MITD1: variants seen among roughly 807,000 people sequenced by gnomAD.
MITD1 encodes the protein microtubule interacting and trafficking domain containing 1.
In MITD1, 24 loss-of-function variants were observed where a neutral mutation model predicts 34.9. The ratio of observed to expected loss-of-function variants is 0.69; its 90% CI spans 0.50 to 0.97. MITD1 has a LOEUF of 0.97. Ranked by LOEUF, MITD1 falls within the 50% of genes least tolerant of loss-of-function variation. MITD1 has a pLI of 0.00. For missense variants in MITD1, 266 were observed against 294.6 expected (o/e 0.90, Z 0.71); for synonymous variants, 102 against 101.4 (o/e 1.01, Z -0.04).
chr2:99,164,226 T>A (rs1165535473), intron 7 of MITD1, among the ~76,000 whole-genome samples: 1 of 152,202 alleles, frequency 6.6e-6, no homozygotes, highest in African/African-American at 2.4e-5. Context: ...ATTTCACTAC[T>A]CTTACCTTGT....
chr2:99,163,541 T>C (rs2105204582), intron 7 of MITD1, among the ~76,000 whole-genome samples: 1 of 152,244 alleles, frequency 6.6e-6, no homozygotes, highest in South Asian at 2.1e-4. Context: ...TTGGCCAGGC[T>C]GGTCTCAAAC....
rs2093842928 is a variant in MITD1, at chr2:99,169,463, A to G, written c.662T>C (p.Phe221Ser). 6.2e-7 allele frequency: 1 copy of G among 1,605,462 alleles called. No individual in the cohort carries two copies. The highest frequency in any genetic ancestry group is 1.1e-5 in the South Asian group (1 of 89,958). ...ATCAAAATCACAATATCCAAGGGAA[A>G]AACGACTCTAAGAAGAGAAGAAAAG... ...LDYFKKPQSR[F>S]SLGYCDFDLR... Residue 221 changes from phenylalanine (F) to serine (S), a missense_variant, in exon 7 of 7, where the codon TTT becomes TCT. Coordinates refer to ENST00000289359, the MANE Select transcript of MITD1 (RefSeq NM_138798.3).
chr2:99,175,536 C>G (rs1440130640), intron 1 of MITD1, among the ~76,000 whole-genome samples: 1 of 152,194 alleles, frequency 6.6e-6, no homozygotes, highest in Non-Finnish European at 1.5e-5. Context: ...ATGATATTAA[C>G]TGACCATTTG....
rs1326970029 is a variant in MITD1 at position 99,169,369 on chromosome 2, C to T, written c.*6G>A. 3 of 1,386,606 alleles carry T rather than the reference C, an allele frequency of 2.2e-6. No individual in the cohort carries two copies. Among genetic ancestry groups the T allele is most frequent in the African/African-American group, 2.9e-5 (2 of 69,576 alleles). The allele number at this position is 1,386,606 out of a possible 1,614,324, so 85.9% of individuals were successfully genotyped here. On this transcript the variant is annotated 3_prime_UTR_variant, in exon 7 of 7. Coordinates refer to ENST00000289359, the MANE Select transcript of MITD1 (RefSeq NM_138798.3). ...GTAGACATAATACAAATTAGGCTAC[C>T]ACCCATCATATATTTTTTGTATGCT... is the stretch of plus-strand genomic sequence containing the variant.
intron 7 of MITD1, chr2:99,162,839 G>A: frequency 6.2e-7 from 1 of 1,613,428 alleles, no homozygotes; most frequent in South Asian, 1.1e-5. Context: ...AGTCACACTT[G>A]GAAATTAAAG....
At chr2:99,179,761 C>G (rs1299475010) in intron 1 of MITD1, among the ~76,000 whole-genome samples, 2 of 152,062 alleles carry the variant, frequency 1.3e-5, no homozygotes, top group Admixed American at 1.3e-4. Context: ...CGGGGTTTCA[C>G]CATGTTGGCC....
intron 1 of MITD1, among the ~76,000 whole-genome samples, chr2:99,176,431 T>G (rs1338370495): frequency 6.6e-6 from 1 of 152,060 alleles, no homozygotes; most frequent in African/African-American, 2.4e-5. Flanking sequence ...GTTCAAGCGA[T>G]TCTCCTGCCT....
chr2:99,162,368 G>C (rs762923266), intron 7 of MITD1: 3 of 1,613,850 alleles, frequency 1.9e-6, no homozygotes, highest in Non-Finnish European at 2.5e-6. Flanking sequence ...TGAGAGCTCT[G>C]AATGCTGTCC....
chr2:99,168,853 C>T (rs575150408), downstream of MITD1, among the ~76,000 whole-genome samples: 1 of 151,736 alleles, frequency 6.6e-6, no homozygotes, highest in East Asian at 1.9e-4. Flanking sequence ...AGTCTCAGCT[C>T]ACTGCAGCCT....
In MITD1 at chr2:99,180,818, G is replaced by A. The variant is rs371315876; in HGVS notation, c.151+13C>T. 6.8e-6 allele frequency: 11 copies of A among 1,611,168 alleles called. No homozygotes were observed. The South Asian group carries it at 1.2e-4, about 18-fold the overall frequency. On this transcript the variant is annotated intron_variant, in intron 1 of 6. Transcript: ENST00000289359. Reference sequence around the variant, plus strand: ...TTTTCCTCAGGTCCTCCCCGCCTTGGCTCATTGCTCACCTTTCAGAACCTG... The same window carrying A: ...TTTTCCTCAGGTCCTCCCCGCCTTGACTCATTGCTCACCTTTCAGAACCTG...
intron 1 of MITD1, among the ~76,000 whole-genome samples, chr2:99,176,907 G>A (rs1481204782): frequency 6.6e-6 from 1 of 152,120 alleles, no homozygotes; most frequent in African/African-American, 2.4e-5. Context: ...GGTGCCAGCT[G>A]TGTTCATTGC....
downstream of MITD1, among the ~76,000 whole-genome samples, chr2:99,168,212 G>A (rs531908795): frequency 2.0e-5 from 3 of 152,074 alleles, no homozygotes; most frequent in Non-Finnish European, 4.4e-5. Flanking sequence ...CATGATCTCC[G>A]CTCACCGCAG....
chr2:99,169,739 T>C, intron 5 of MITD1, 129 bp from the exon 6 acceptor site: 3 of 645,598 alleles, frequency 4.6e-6, no homozygotes, highest in Non-Finnish European at 5.4e-6. Flanking sequence ...TGGCATGAGT[T>C]GAATCAAACC....
chr2:99,174,122 G>A (rs1221086635), intron 1 of MITD1, 106 bp from the exon 2 acceptor site: 1 of 640,594 alleles, frequency 1.6e-6, no homozygotes, highest in East Asian at 2.9e-5. Flanking sequence ...CTATCCTCTA[G>A]TATGGCTTGC....
At chr2:99,167,205 T>G (rs2969387), downstream of MITD1, among the ~76,000 whole-genome samples, 1 of 152,146 alleles carries the variant, frequency 6.6e-6, no homozygotes, top group Admixed American at 6.5e-5. Flanking sequence ...TTATAGCTGG[T>G]CAAGCAAGTC....
downstream of MITD1, among the ~76,000 whole-genome samples, chr2:99,164,560 G>C (rs535586100): frequency 1.8e-4 from 28 of 152,198 alleles, 2 homozygotes; most frequent in South Asian, 5.8e-3. Context: ...TTTTTAGGAA[G>C]AGCAGGCATG....
chr2:99,180,885 G>C lies in MITD1; in HGVS notation c.97C>G (p.Gln33Glu), dbSNP rs1408521794. ...VELDSESRYP[Q>E]ALVCYQEGID... ...CCCTCTTGGTAACACACCAGAGCCT[G>C]CGGATACCGCGACTCCGAATCTAGT... The change falls in exon 1 of 7, where the codon CAG becomes GAG. Residue 33 changes from glutamine (Q) to glutamate (E), a missense_variant. Gln to Glu is a conservative substitution (Grantham distance 29, BLOSUM62 2). Coordinates refer to ENST00000289359, the MANE Select transcript of MITD1 (RefSeq NM_138798.3). 1.1e-5 allele frequency: 18 copies of C among 1,614,082 alleles called. No individual in the cohort carries two copies. The highest frequency in any genetic ancestry group is 1.5e-5 in the Non-Finnish European group (18 of 1,180,052).
Position 99,180,929 on chromosome 2 carries a change from A to G in MITD1, c.53T>C (p.Val18Ala), listed in dbSNP as rs1221582709. Residue 18 changes from valine to alanine, a missense_variant, in exon 1 of 7, where the codon GTG (valine) becomes GCG (alanine). Val to Ala is a moderately conservative substitution (Grantham distance 64). Coordinates refer to ENST00000289359, the MANE Select transcript of MITD1 (RefSeq NM_138798.3). ...ATCTAGTTCTACTGCCCGCTTTAGC[A>G]CAGTGGCTGCAGCTGTGCTCTGCGG... Reference protein sequence around the residue: ...QDPQSTAAATVLKRAVELDSE... With the variant: ...QDPQSTAAATALKRAVELDSE... 1 of 1,614,184 alleles carries G rather than the reference A, an allele frequency of 6.2e-7. No homozygotes were observed. The highest frequency in any genetic ancestry group is 1.7e-5 in the Admixed American group (1 of 60,012).
chr2:99,179,373 T>C (rs2093903098), intron 1 of MITD1, among the ~76,000 whole-genome samples: 1 of 152,150 alleles, frequency 6.6e-6, no homozygotes, highest in Admixed American at 6.6e-5. Context: ...ACAATACTTT[T>C]TATGCTGTAA....
Sources: allele counts gnomAD v4.1 joint callset (sites outside exome capture counted in the v4.1 genomes callset), GRCh38; gene constraint gnomAD v4.1.1; transcripts MANE v1.5; gene names NCBI Gene and HGNC (gene_info 2026-07-23, HGNC 2026-07-21).